The following UNC79 variants were observed in gnomAD, a reference collection of about 807,000 sequenced individuals.
UNC79 encodes protein unc-79 homolog.
A neutral mutation model predicts 283.1 loss-of-function variants in UNC79; 37 were observed. That is an observed-to-expected ratio of 0.13 (90% CI 0.10 to 0.17). The LOEUF is 0.17. Among genes scored for constraint, UNC79 ranks in the 10% least tolerant of loss-of-function variants. UNC79 has a pLI of 1.00. For synonymous variants in UNC79, 1,107 were observed against 1,200.2 expected (o/e 0.92, Z 1.61); for missense variants, 2,272 against 3,211.1 (o/e 0.71, Z 7.07).
intron 16 of UNC79, 140 bp from the exon 17 acceptor site, chr14:93,574,917 TG>T: frequency 2.3e-6 from 2 of 887,156 alleles, no homozygotes; most frequent in South Asian, 4.0e-5. Context: ...AATTGGAGGA[TG>T]ACTGTGTTGA....
At chr14:93,487,370 A>G (rs1015260216) in intron 4 of UNC79, among the ~76,000 whole-genome samples, 3 of 152,140 alleles carry the variant, frequency 2.0e-5, no homozygotes, top group South Asian at 2.1e-4. Context: ...TCTAAATACA[A>G]ACATCATGGG....
intron 1 of UNC79, among the ~76,000 whole-genome samples, chr14:93,463,519 T>C (rs576132826): frequency 6.6e-6 from 1 of 152,110 alleles, no homozygotes; most frequent in Non-Finnish European, 1.5e-5. Context: ...GTAGGAATGA[T>C]TTAGCAAAGG....
chr14:93,652,052 G>A (rs983839398), intron 35 of UNC79, among the ~76,000 whole-genome samples: 2 of 147,756 alleles, frequency 1.4e-5, no homozygotes, highest in Admixed American at 6.8e-5. Flanking sequence ...GTGAGCCACC[G>A]CACCCCGCCT....
intron 31 of UNC79, among the ~76,000 whole-genome samples, chr14:93,634,152 A>C (rs1211890455): frequency 6.6e-6 from 1 of 152,222 alleles, no homozygotes; most frequent in East Asian, 1.9e-4. Context: ...ATGTATGCAC[A>C]AGCTCTGTTA....
At chr14:93,591,085 T>C (rs2064639510) in intron 22 of UNC79, among the ~76,000 whole-genome samples, 1 of 152,212 alleles carries the variant, frequency 6.6e-6, no homozygotes, top group African/African-American at 2.4e-5. Context: ...AGGGTTGGGA[T>C]GAGGTCCCTG....
chr14:93,372,729 C>T (rs1034461447), intron 1 of UNC79, among the ~76,000 whole-genome samples: 2 of 152,210 alleles, frequency 1.3e-5, no homozygotes, highest in Admixed American at 6.5e-5. Flanking sequence ...TTGGAGACTT[C>T]AATACCCTTC....
chr14:93,384,812 G>A (rs1455950739), intron 1 of UNC79, among the ~76,000 whole-genome samples: 1 of 152,162 alleles, frequency 6.6e-6, no homozygotes, highest in Non-Finnish European at 1.5e-5. Context: ...TTCATAGTTT[G>A]AGGTCTTAGA....
At chr14:93,411,555 T>A (rs974708499) in intron 1 of UNC79, among the ~76,000 whole-genome samples, 7 of 152,228 alleles carry the variant, frequency 4.6e-5, no homozygotes, top group African/African-American at 1.7e-4. Context: ...GGGGCTTGTG[T>A]CACTCCACCT....
intron 47 of UNC79, among the ~76,000 whole-genome samples, chr14:93,698,240 G>A (rs1277420563): frequency 6.6e-6 from 1 of 152,052 alleles, no homozygotes; most frequent in Non-Finnish European, 1.5e-5. Context: ...TTAGTTCAAA[G>A]TTTTTGATTG....
chr14:93,499,765 C>T (rs558520074), intron 7 of UNC79, among the ~76,000 whole-genome samples: 3 of 151,944 alleles, frequency 2.0e-5, no homozygotes, highest in African/African-American at 4.8e-5. Flanking sequence ...CTAACCTCAA[C>T]GGGATGTGGG....
In UNC79 at chr14:93,662,733, G is replaced by A. The variant is rs1284195074; in HGVS notation, c.6636+19G>A. On this transcript the variant is annotated intron_variant, in intron 40 of 48. Transcript: ENST00000555664. ...CACTAAGGTAAGCAAGCTTCCATAT[G>A]TGTGTTCCTGTGAAACTGAAAACTG... 13 of 1,557,932 alleles carry A rather than the reference G, an allele frequency of 8.3e-6. No homozygotes were observed. The highest frequency in any genetic ancestry group is 1.1e-5 in the Non-Finnish European group (13 of 1,139,742).
At chr14:93,639,304 G>A (rs975135534) in intron 32 of UNC79, among the ~76,000 whole-genome samples, 3 of 152,214 alleles carry the variant, frequency 2.0e-5, no homozygotes, top group Admixed American at 2.0e-4. Flanking sequence ...TCTGGTCAAT[G>A]TGGTCTGTCA....
Position 93,402,276 on chromosome 14 carries a change from C to CAA in UNC79, c.-350-65378_-350-65377dup, listed in dbSNP as rs1232880016. ...TGAGTGACAGAGTGAGACTCTGTCT[C>CAA]AAAAAAAAAAAAAAAAAAGAAAAGA... On this transcript the variant is annotated intron_variant, in intron 1 of 49. Coordinates refer to the UNC79 transcript ENST00000256339. Among the ~76,000 whole-genome samples, 335 of 64,642 alleles carry CAA rather than the reference C, an allele frequency of 5.2e-3. 7 individuals carry two copies. The highest frequency in any genetic ancestry group is 0.017 in the African/African-American group (275 of 16,248). The allele number at this position is 64,642 out of a possible 152,430, so 42.4% of individuals were successfully genotyped here. A position where few individuals can be genotyped will look rare whatever the true frequency, so the allele number is the denominator to read the frequency against.
At chr14:93,503,273 A>G (rs1334652990) in intron 7 of UNC79, among the ~76,000 whole-genome samples, 1 of 152,166 alleles carries the variant, frequency 6.6e-6, no homozygotes, top group Non-Finnish European at 1.5e-5. Flanking sequence ...TACCAAATGA[A>G]TGTACCATAG....
chr14:93,488,270 TTG>T (rs1422858890), intron 5 of UNC79, among the ~76,000 whole-genome samples: 1 of 152,240 alleles, frequency 6.6e-6, no homozygotes, highest in Non-Finnish European at 1.5e-5. Context: ...ATTATAAAAT[TTG>T]TGTAGAGTTA....
chr14:93,509,964 C>T (rs1234871061), intron 7 of UNC79, among the ~76,000 whole-genome samples: 2 of 152,230 alleles, frequency 1.3e-5, no homozygotes, highest in African/African-American at 4.8e-5. Flanking sequence ...GCCTGGACAT[C>T]CAGGCATTTC....
intron 13 of UNC79, 105 bp downstream of exon 13, chr14:93,540,936 A>G: frequency 6.8e-7 from 1 of 1,472,960 alleles, no homozygotes; most frequent in South Asian, 1.2e-5. Flanking sequence ...ATAGTGAAAA[A>G]TTAACCTTAG....
chr14:93,396,094 C>T (rs2054990570), intron 1 of UNC79, among the ~76,000 whole-genome samples: 1 of 151,988 alleles, frequency 6.6e-6, no homozygotes, highest in Non-Finnish European at 1.5e-5. Context: ...TTTTGTGTTA[C>T]ACAGACTAGA....
chr14:93,459,588 C>T lies in UNC79; in HGVS notation c.23-8083C>T, dbSNP rs151240438. Among the ~76,000 whole-genome samples, 50 of 151,860 alleles carry T rather than the reference C, an allele frequency of 3.3e-4. 1 individual carries two copies. The highest frequency in any genetic ancestry group is 1.2e-3 in the African/African-American group (48 of 41,424). ...TAGTCTGGCAGAAAAGCATGGCTTG[C>T]AGCCTGTTAAACTATCAGTTTTATA... On this transcript the variant is annotated intron_variant, in intron 1 of 48. Transcript: ENST00000555664.
Sources: gnomAD v4.1 joint callset for allele counts (sites outside exome capture counted in the v4.1 genomes callset) on GRCh38, gnomAD v4.1.1 for gene constraint, MANE v1.5 for transcripts, NCBI Gene and HGNC (gene_info 2026-07-23, HGNC 2026-07-21) for gene names.